Variants in TESPA1 observed in about 807,000 individuals in gnomAD.
TESPA1 encodes protein TESPA1.
TESPA1 carries 33 observed loss-of-function variants against 57.9 expected under a neutral mutation model. The ratio of observed to expected loss-of-function variants is 0.57; its 90% CI spans 0.43 to 0.76. The LOEUF (loss-of-function observed/expected upper bound fraction) is 0.76. Among genes scored for constraint, TESPA1 ranks in the 30% least tolerant of loss-of-function variants. The pLI is 0.00. For missense variants in TESPA1, 618 were observed against 632.9 expected, an observed-to-expected ratio of 0.98 and a Z score of 0.25; for synonymous variants, 227 against 228.9, an observed-to-expected ratio of 0.99 and a Z score of 0.07.
chr12:54,961,222 T>C lies in TESPA1; in HGVS notation c.1513A>G (p.Ser505Gly), dbSNP rs137979349. 8.7e-5 allele frequency: 141 copies of C among 1,613,994 alleles called. 1 individual carries two copies. The Admixed American group carries it at 1.5e-3, about 18-fold the overall frequency. Residue 505 changes from serine to glycine, a missense_variant, in exon 10 of 11, where the codon AGC (serine) becomes GGC (glycine). Ser to Gly is a moderately conservative substitution (Grantham distance 56, BLOSUM62 0). Transcript: ENST00000449076. ...EEEQSQSRWP[S>G]RPRHPHHHQT... ...TGGTGGTGGGGGTGCCTGGGTCTGCTGGGCCAGCGACTCTGACTCTGCTCC... is the reference window on the plus strand; with the variant it reads ...TGGTGGTGGGGGTGCCTGGGTCTGCCGGGCCAGCGACTCTGACTCTGCTCC...
intron 4 of TESPA1, among the ~76,000 whole-genome samples, chr12:54,967,485 C>G (rs1951520518): frequency 6.6e-6 from 1 of 151,852 alleles, no homozygotes; most frequent in Non-Finnish European, 1.5e-5. Context: ...CCCTATATCA[C>G]ATAGTTATGT....
chr12:54,965,526 C>T (rs1295401029), intron 7 of TESPA1, among the ~76,000 whole-genome samples: 6 of 152,270 alleles, frequency 3.9e-5, no homozygotes, highest in East Asian at 3.9e-4. Flanking sequence ...GACACGAACG[C>T]GTTCCTTTTA....
intron 1 of TESPA1, among the ~76,000 whole-genome samples, chr12:54,983,645 C>T (rs1269569862): frequency 1.3e-5 from 2 of 152,180 alleles, no homozygotes; most frequent in Non-Finnish European, 2.9e-5. Flanking sequence ...ACAGTCTTGT[C>T]AAATCACTTC....
chr12:54,977,261 C>T lies in TESPA1; in HGVS notation c.-45-2654G>A, dbSNP rs572315669. ...ACTTAATGAATACTCATTGTCTAAACGAGTGAATGTTTAGAAGGTGCCCTT... is the reference window on the plus strand; with the variant it reads ...ACTTAATGAATACTCATTGTCTAAATGAGTGAATGTTTAGAAGGTGCCCTT... On this transcript the variant is annotated intron_variant, in intron 1 of 10. Coordinates refer to ENST00000449076, the MANE Select transcript of TESPA1 (RefSeq NM_001136030.3). Among the ~76,000 whole-genome samples the T allele has an allele frequency of 4.6e-5, 7 of 152,152 alleles. No individual in the cohort carries two copies. In the East Asian group the frequency reaches 1.4e-3, roughly 29 times the overall value.
At chr12:54,967,307 G>T (rs2136136141) in intron 4 of TESPA1, 71 bp from the exon 5 acceptor site, 2 of 1,520,832 alleles carry the variant, frequency 1.3e-6, no homozygotes, top group Non-Finnish European at 1.8e-6. Flanking sequence ...GCACACCCCT[G>T]CATACACGAA....
intron 1 of TESPA1, among the ~76,000 whole-genome samples, chr12:54,978,009 T>C (rs935969007): frequency 1.0e-4 from 13 of 124,426 alleles, no homozygotes; most frequent in Non-Finnish European, 1.9e-4. Flanking sequence ...CAAGAAACCG[T>C]TTTTTTTTTG....
At chr12:54,973,582 C>T in intron 2 of TESPA1, 63 bp from the exon 3 acceptor site, 8 of 1,612,714 alleles carry the variant, frequency 5.0e-6, no homozygotes, top group Non-Finnish European at 6.8e-6. Context: ...CTCCCTGCAA[C>T]TAATTCCATT....
At chr12:54,977,537 C>CAGAA (rs1394774830) in intron 1 of TESPA1, among the ~76,000 whole-genome samples, 1 of 152,158 alleles carries the variant, frequency 6.6e-6, no homozygotes, top group Non-Finnish European at 1.5e-5. Context: ...GTCCTATGTA[C>CAGAA]AGAAGTTTTA....
chr12:54,977,041 C>A (rs141069455), intron 1 of TESPA1, among the ~76,000 whole-genome samples: 2 of 152,068 alleles, frequency 1.3e-5, no homozygotes, highest in African/African-American at 4.8e-5. Flanking sequence ...CTACCTTAAT[C>A]GCTTTCACTG....
intron 10 of TESPA1, among the ~76,000 whole-genome samples, chr12:54,952,908 CCTAT>C (rs1186004615): frequency 2.6e-5 from 4 of 151,632 alleles, no homozygotes; most frequent in African/African-American, 2.4e-5. Context: ...ACCTGTATGC[CCTAT>C]CTTTCTTTCT....
chr12:54,978,539 A>G (rs1244922102), intron 1 of TESPA1, among the ~76,000 whole-genome samples: 46 of 152,184 alleles, frequency 3.0e-4, no homozygotes, highest in Admixed American at 3.0e-3. Flanking sequence ...GTTACTTCCC[A>G]TATACCAAAT....
chr12:54,953,230 A>G (rs1443735257), intron 10 of TESPA1, among the ~76,000 whole-genome samples: 1 of 152,168 alleles, frequency 6.6e-6, no homozygotes, highest in Non-Finnish European at 1.5e-5. Context: ...GACTAAACCA[A>G]AACACTTAAA....
At chr12:54,982,492 C>A (rs1952357039) in intron 1 of TESPA1, among the ~76,000 whole-genome samples, 1 of 152,204 alleles carries the variant, frequency 6.6e-6, no homozygotes, top group East Asian at 1.9e-4. Context: ...CCTCTCCTTC[C>A]CTTTCTTCCT....
chr12:54,983,460 G>A (rs1173173219), intron 1 of TESPA1, among the ~76,000 whole-genome samples: 2 of 152,082 alleles, frequency 1.3e-5, no homozygotes, highest in Admixed American at 6.5e-5. Flanking sequence ...TAATCACTCA[G>A]CTGAACAACT....
rs79307133 is a variant in TESPA1 at position 54,978,596 on chromosome 12, C to T, written c.-45-3989G>A. ...CATATGGAGCTCCTGCACATGCGAC[C>T]TTCACATTGGATCCAGGAAAGTGGT... On this transcript the variant is annotated intron_variant, in intron 1 of 10. Transcript: ENST00000449076. Among the ~76,000 whole-genome samples, 1,282 of 152,270 alleles carry T rather than the reference C, an allele frequency of 8.4e-3. 9 individuals are homozygous for T. The highest frequency in any genetic ancestry group is 0.017 in the Middle Eastern group (5 of 294).
Position 54,974,600 on chromosome 12 carries a change from A to G in TESPA1, c.-38T>C, listed in dbSNP as rs770222227. ...GACTTCAGGGCCTCCCGTAACAGTA[A>G]TGCCGTCCTAAGAGTTGAAAAACAG... is the stretch of plus-strand genomic sequence containing the variant. On this transcript the variant is annotated 5_prime_UTR_variant, in exon 2 of 11. Transcript: ENST00000449076. 6.7e-7 allele frequency: 1 copy of G among 1,482,150 alleles called. No individual in the cohort carries two copies. Among genetic ancestry groups the G allele is most frequent in the South Asian group, 1.4e-5 (1 of 72,924 alleles). 91.8% of individuals were successfully genotyped at this position (1,482,150 alleles called of 1,614,324 possible).
intron 1 of TESPA1, among the ~76,000 whole-genome samples, chr12:54,977,401 T>A (rs1952174617): frequency 6.6e-6 from 1 of 152,168 alleles, no homozygotes; most frequent in African/African-American, 2.4e-5. Context: ...GTAAAAATGT[T>A]GTGGGTTGAA....
rs545510418 is a variant in TESPA1, at chr12:54,961,350, G to A, written c.1468-83C>T. ...AGGTGCAGGTGGCAGGTAGCTGTAG[G>A]GGAAGGAGGCTGAGTGTACTTGAGA... On this transcript the variant is annotated intron_variant, in intron 9 of 10. Transcript: ENST00000449076. 157 of 1,488,280 alleles carry A rather than the reference G, an allele frequency of 1.1e-4. 3 individuals are homozygous for A. The South Asian group carries it at 1.6e-3, about 15-fold the overall frequency. The allele number at this position is 1,488,280 out of a possible 1,614,324, so 92.2% of individuals were successfully genotyped here. A position where few individuals can be genotyped will look rare whatever the true frequency, so the allele number is the denominator to read the frequency against.
intron 10 of TESPA1, among the ~76,000 whole-genome samples, chr12:54,954,791 T>C (rs1950629376): frequency 6.6e-6 from 1 of 152,248 alleles, no homozygotes; most frequent in Non-Finnish European, 1.5e-5. Flanking sequence ...CTGAATAATA[T>C]TTCACTGTAT....
Sources: allele counts gnomAD v4.1 joint callset (sites outside exome capture counted in the v4.1 genomes callset), GRCh38; gene constraint gnomAD v4.1.1; transcripts MANE v1.5; gene names NCBI Gene and HGNC (gene_info 2026-07-23, HGNC 2026-07-21).